SMURF1: variants seen among roughly 807,000 people sequenced by gnomAD.
SMURF1 encodes the protein E3 ubiquitin-protein ligase SMURF1.
SMURF1 carries 44 observed loss-of-function variants against 98.0 expected under a neutral mutation model. The ratio of observed to expected loss-of-function variants is 0.45; its 90% CI spans 0.35 to 0.58. SMURF1 has a LOEUF of 0.58. SMURF1 is among the 20% of genes least tolerant of loss of function. SMURF1 has a pLI of 0.00. For synonymous variants in SMURF1, 396 were observed against 374.9 expected, an observed-to-expected ratio of 1.06 and a Z score of -0.65; for missense variants, 687 against 938.4, an observed-to-expected ratio of 0.73 and a Z score of 3.50.
Position 99,054,825 on chromosome 7 carries a change from C to G in SMURF1, c.444G>C (p.Ser148=). The G allele has an allele frequency of 1.2e-6, 2 of 1,614,078 alleles. No homozygotes were observed. The highest frequency in any genetic ancestry group is 8.5e-7 in the Non-Finnish European group (1 of 1,180,018). ...CTAACAGTCCTCTGCAGTCCACCAC[C>G]GAGCCGCCGGTTCCTATTCTGTCTC... ...QTRDRIGTGG[S]VVDCRGLLEN... Residue 148 remains serine, a synonymous_variant, in exon 6 of 18, where the codon TCG becomes TCC. Transcript: ENST00000361368.
intron 16 of SMURF1, among the ~76,000 whole-genome samples, chr7:99,034,510 C>CG (rs1281688336): frequency 2.6e-5 from 4 of 151,962 alleles, no homozygotes; most frequent in African/African-American, 4.8e-5. Flanking sequence ...TTTTTTTCCT[C>CG]GGGGGGATAA....
chr7:99,030,675 C>G lies in SMURF1; in HGVS notation c.2105G>C (p.Arg702Pro). The change falls in exon 18 of 18, where the codon CGG becomes CCG. Residue 702 changes from arginine (R) to proline (P), a missense_variant. By Grantham distance (103) the Arg-to-Pro change is moderately radical. Around this residue, in one of 2 missense-constraint regions of SMURF1, gnomAD observed 272 missense variants for 430.0 expected, o/e 0.63. Transcript: ENST00000361368. ...GGACTCATATGGTGGAATGTCGATC[C>G]GGTTAAAGCTGAAAAAGGACAAAAG... ...NLPKAHTCFN[R>P]IDIPPYESYE... is the part of the protein sequence containing the mutation. 6.2e-7 allele frequency: 1 copy of G among 1,613,710 alleles called. No individual in the cohort carries two copies. Among genetic ancestry groups the G allele is most frequent in the Non-Finnish European group, 8.5e-7 (1 of 1,179,886 alleles).
intron 17 of SMURF1, among the ~76,000 whole-genome samples, chr7:99,032,608 G>A (rs1352908340): frequency 2.6e-5 from 4 of 152,236 alleles, no homozygotes; most frequent in Non-Finnish European, 5.9e-5. Flanking sequence ...GGCAGAGGTT[G>A]CAGTGAGCCG....
At chr7:99,039,051 G>T (rs1795265465) in intron 13 of SMURF1, among the ~76,000 whole-genome samples, 1 of 151,834 alleles carries the variant, frequency 6.6e-6, no homozygotes, top group Non-Finnish European at 1.5e-5. Context: ...AAATTAGCCA[G>T]GTGTGGTGGC....
In SMURF1 at chr7:99,122,350, AAG is replaced by A. The variant is rs1201261558; in HGVS notation, c.55+21374_55+21375del. Among the ~76,000 whole-genome samples the A allele has an allele frequency of 1.6e-4, 22 of 138,876 alleles. 1 individual carries two copies. The highest frequency in any genetic ancestry group is 3.7e-4 in the Admixed American group (5 of 13,464). The allele number at this position is 138,876 out of a possible 152,430, so 91.1% of individuals were successfully genotyped here. On this transcript the variant is annotated intron_variant, in intron 1 of 17. Transcript: ENST00000361368. Reference sequence around the variant, plus strand: ...CTCAAAAAAAAAAAAGAAGAAGAAGAAGAAAAAAAAAGGCCGGGCGCAGTGGC... The same window carrying A: ...CTCAAAAAAAAAAAAGAAGAAGAAGAAAAAAAAAAGGCCGGGCGCAGTGGC...
intron 1 of SMURF1, among the ~76,000 whole-genome samples, chr7:99,083,149 T>C (rs1285531955): frequency 6.6e-6 from 1 of 152,158 alleles, no homozygotes; most frequent in East Asian, 1.9e-4. Flanking sequence ...GTGGTGACGG[T>C]TGCACAACTC....
At chr7:99,077,249 T>C (rs986716522) in intron 1 of SMURF1, among the ~76,000 whole-genome samples, 3 of 151,902 alleles carry the variant, frequency 2.0e-5, no homozygotes, top group Non-Finnish European at 4.4e-5. Flanking sequence ...ACTTTTTATA[T>C]TAAAATATTA....
chr7:99,123,894 A>G (rs887970546), intron 1 of SMURF1, among the ~76,000 whole-genome samples: 1 of 152,224 alleles, frequency 6.6e-6, no homozygotes, highest in East Asian at 1.9e-4. Flanking sequence ...TAGGCAAGTC[A>G]GCCCCTAACA....
intron 1 of SMURF1, among the ~76,000 whole-genome samples, chr7:99,069,193 G>A (rs1376097646): frequency 6.6e-6 from 1 of 152,168 alleles, no homozygotes; most frequent in Admixed American, 6.5e-5. Context: ...GTACATAAAT[G>A]TTTCGACTGC....
chr7:99,057,098 C>T, intron 5 of SMURF1, 107 bp downstream of exon 5: 1 of 1,203,984 alleles, frequency 8.3e-7, no homozygotes, highest in Non-Finnish European at 1.2e-6. Context: ...GGTCTGTCCT[C>T]TGAGGCCCGT....
rs536528850 is a variant in SMURF1, at chr7:99,063,855, C to A, written c.56-2018G>T. 5.3e-5 allele frequency among the ~76,000 whole-genome samples: 8 copies of A among 151,464 alleles called. No homozygotes were observed. In the South Asian group the frequency reaches 1.7e-3, roughly 32 times the overall value. Reference sequence around the variant, plus strand: ...GCAGTGGCATGATCATAGCTCACTGCAGCCTCGAACTCCTGGGATCAAGCA... The same window carrying A: ...GCAGTGGCATGATCATAGCTCACTGAAGCCTCGAACTCCTGGGATCAAGCA... On this transcript the variant is annotated intron_variant, in intron 1 of 17. Transcript: ENST00000361368.
chr7:99,095,228 C>T (rs1036102565), intron 1 of SMURF1, among the ~76,000 whole-genome samples: 3 of 151,982 alleles, frequency 2.0e-5, no homozygotes, highest in African/African-American at 4.8e-5. Flanking sequence ...TACAGGCATG[C>T]GCCACCATGT....
chr7:99,038,337 C>T, intron 14 of SMURF1, 51 bp downstream of exon 14: 2 of 1,598,004 alleles, frequency 1.3e-6, no homozygotes, highest in South Asian at 1.1e-5. Flanking sequence ...CAACTAAATG[C>T]AGGCTCAGCC....
intron 1 of SMURF1, among the ~76,000 whole-genome samples, chr7:99,072,977 C>T (rs1428267349): frequency 6.6e-6 from 1 of 152,202 alleles, no homozygotes; most frequent in East Asian, 1.9e-4. Flanking sequence ...GATTAAGCAA[C>T]AGCTCGAGGT....
At position 99,030,254 on chromosome 7, in the gene SMURF1, AGAGCTCAGGGCTGTGAGC is replaced by A. The variant is rs1794828001; in HGVS notation, c.*312_*329del. 1.2e-5 allele frequency: 3 copies of A among 257,928 alleles called. No homozygotes were observed. Among genetic ancestry groups the A allele is most frequent in the Non-Finnish European group, 2.3e-5 (3 of 132,530 alleles). 16.0% of individuals were successfully genotyped at this position (257,928 alleles called of 1,614,324 possible). The stretch of plus-strand genomic sequence containing the variant: ...TAACTGTGAGTTGATGCTCCCGTAA[AGAGCTCAGGGCTGTGAGC>A]CTTATCACCACATGGGTTGCAACAC... On this transcript the variant is annotated 3_prime_UTR_variant, in exon 18 of 18. Transcript: ENST00000361368.
At chr7:99,115,364 G>A (rs1036026600) in intron 1 of SMURF1, among the ~76,000 whole-genome samples, 6 of 152,130 alleles carry the variant, frequency 3.9e-5, no homozygotes, top group African/African-American at 7.2e-5. Context: ...AGGCTGAAGC[G>A]AGTGGATCAC....
At chr7:99,040,848 T>G (rs1279986008) in intron 12 of SMURF1, among the ~76,000 whole-genome samples, 8 of 152,326 alleles carry the variant, frequency 5.3e-5, no homozygotes, top group Admixed American at 3.9e-4. Context: ...GAATTTCACC[T>G]TCGTGACAAC....
Position 99,047,770 on chromosome 7 carries a change from G to C in SMURF1, c.1066C>G (p.Leu356Val). 1 of 1,614,210 alleles carries C rather than the reference G, an allele frequency of 6.2e-7. No homozygotes were observed. Among genetic ancestry groups the C allele is most frequent in the Non-Finnish European group, 8.5e-7 (1 of 1,180,048 alleles). ...GACAGTTCGTGTCTGAGGACTTTCAGCTTCTGGACTAGATCTCTTTCGTAT... is the reference window on the plus strand; with the variant it reads ...GACAGTTCGTGTCTGAGGACTTTCACCTTCTGGACTAGATCTCTTTCGTAT... Reference protein sequence around the residue: ...QRYERDLVQKLKVLRHELSLQ... With the variant: ...QRYERDLVQKVKVLRHELSLQ... The change falls in exon 10 of 18, where the codon CTG becomes GTG. Residue 356 changes from leucine to valine, a missense_variant. Physicochemically the swap from Leu to Val is conservative, Grantham distance 32 (BLOSUM62 1). Coordinates refer to ENST00000361368, the MANE Select transcript of SMURF1 (RefSeq NM_181349.3).
chr7:99,041,028 G>GGAAA (rs1173550772), intron 12 of SMURF1, among the ~76,000 whole-genome samples: 3 of 152,082 alleles, frequency 2.0e-5, no homozygotes, highest in African/African-American at 7.2e-5. Context: ...AGGAAGAGAG[G>GGAAA]GAAAGAGAGG....
Sources: allele counts gnomAD v4.1 joint callset (sites outside exome capture counted in the v4.1 genomes callset), GRCh38; gene constraint gnomAD v4.1.1; regional missense constraint gnomAD v4.1.1; transcripts MANE v1.5; gene names NCBI Gene and HGNC (gene_info 2026-07-23, HGNC 2026-07-21).